Variants in PDS5B observed in about 807,000 individuals in gnomAD.
The protein encoded by PDS5B is sister chromatid cohesion protein PDS5 homolog B.
PDS5B carries 51 observed loss-of-function variants against 184.1 expected under a neutral mutation model. The ratio of observed to expected loss-of-function variants is 0.28; its 90% CI spans 0.22 to 0.35. PDS5B has a LOEUF of 0.35. Among genes scored for constraint, PDS5B ranks in the 10% least tolerant of loss-of-function variants. The probability of loss-of-function intolerance (pLI) is 1.00; values close to 1 mark genes in which losing one functional copy is unlikely to be tolerated. For missense variants in PDS5B, 1,180 were observed against 1,723.3 expected, an observed-to-expected ratio of 0.68 and a Z score of 5.58; for synonymous variants, 566 against 569.2, an observed-to-expected ratio of 0.99 and a Z score of 0.08.
chr13:32,771,088 ATT>A (rs71775605), intron 33 of PDS5B: 13 of 180,200 alleles, frequency 7.2e-5, no homozygotes, highest in Admixed American at 4.9e-4. Context: ...CCACACTACA[ATT>A]TTTTTTTTAA....
At position 32,773,101 on chromosome 13, in the gene PDS5B, C is replaced by T. The variant is rs776869022; in HGVS notation, c.4173-88C>T. The T allele has an allele frequency of 5.1e-5, 57 of 1,115,302 alleles. 1 individual carries two copies. The highest frequency in any genetic ancestry group is 3.0e-4 in the South Asian group (18 of 59,454). 69.1% of individuals were successfully genotyped at this position (1,115,302 alleles called of 1,614,324 possible). On this transcript the variant is annotated intron_variant, in intron 33 of 34. Transcript: ENST00000315596. ...GTAACTGAGGGTAAAGATGATATGACGATGAAATACGTGAAACATTTCTTC... is the reference window on the plus strand; with the variant it reads ...GTAACTGAGGGTAAAGATGATATGATGATGAAATACGTGAAACATTTCTTC...
intron 30 of PDS5B, 27 bp downstream of exon 30, chr13:32,760,747 T>A: frequency 6.2e-7 from 1 of 1,601,742 alleles, no homozygotes; most frequent in African/African-American, 1.3e-5. Context: ...TGCCACAATT[T>A]ACATTTAAGG....
intron 19 of PDS5B, among the ~76,000 whole-genome samples, chr13:32,729,840 G>A (rs1389080324): frequency 2.0e-5 from 3 of 149,814 alleles, no homozygotes; most frequent in African/African-American, 7.3e-5. Flanking sequence ...CTGGATATTA[G>A]CCCTTTGTCA....
At chr13:32,764,014 C>T (rs1198464353) in intron 30 of PDS5B, among the ~76,000 whole-genome samples, 1 of 152,008 alleles carries the variant, frequency 6.6e-6, no homozygotes, top group Non-Finnish European at 1.5e-5. Flanking sequence ...GCTTGGCATA[C>T]ATTGGTAAGT....
intron 1 of PDS5B, among the ~76,000 whole-genome samples, chr13:32,589,903 C>T (rs560750367): frequency 6.6e-6 from 1 of 152,066 alleles, no homozygotes; most frequent in African/African-American, 2.4e-5. Flanking sequence ...TAACCATTTC[C>T]CCCATTACTT....
chr13:32,669,665 A>G (rs1376278399), intron 7 of PDS5B, among the ~76,000 whole-genome samples: 2 of 152,156 alleles, frequency 1.3e-5, no homozygotes, highest in African/African-American at 2.4e-5. Flanking sequence ...TCCTTCCCCC[A>G]TGAACTCCCC....
intron 19 of PDS5B, among the ~76,000 whole-genome samples, chr13:32,730,211 C>G (rs1358431711): frequency 2.6e-5 from 4 of 152,100 alleles, no homozygotes; most frequent in Non-Finnish European, 2.9e-5. Flanking sequence ...GAATCCTTTC[C>G]CCATTGCTTG....
chr13:32,701,437 A>T lies in PDS5B; in HGVS notation c.1855A>T (p.Ser619Cys). ...APVHIDTESI[S>C]ALIKQVNKSI... ...TGTGCACATAGATACCGAATCTATC[A>T]GGTATTTGTATATAAAATACTAAGT... Residue 619 changes from serine (S) to cysteine (C), a missense_variant and splice_region_variant, in exon 17 of 35, where the codon AGT (serine) becomes TGT (cysteine). Coordinates refer to ENST00000315596, the MANE Select transcript of PDS5B (RefSeq NM_015032.4). The T allele has an allele frequency of 6.6e-7, 1 of 1,525,064 alleles. No individual in the cohort carries two copies. Among genetic ancestry groups the T allele is most frequent in the Non-Finnish European group, 9.0e-7 (1 of 1,105,078 alleles). 94.5% of individuals were successfully genotyped at this position (1,525,064 alleles called of 1,614,324 possible). A position where few individuals can be genotyped will look rare whatever the true frequency, so the allele number is the denominator to read the frequency against.
chr13:32,722,680 T>G (rs1008162394), intron 19 of PDS5B, among the ~76,000 whole-genome samples: 3 of 152,212 alleles, frequency 2.0e-5, no homozygotes, highest in African/African-American at 7.2e-5. Context: ...TACAGATGTT[T>G]AAAGGACAAA....
chr13:32,765,819 C>G (rs140145059), intron 31 of PDS5B, among the ~76,000 whole-genome samples: 1,545 of 152,308 alleles, frequency 0.01, 14 homozygotes, highest in Middle Eastern at 0.031. Flanking sequence ...CCAGGCTGGT[C>G]TCAAACGCCT....
At chr13:32,589,831 T>C (rs1396569200) in intron 1 of PDS5B, among the ~76,000 whole-genome samples, 1 of 152,230 alleles carries the variant, frequency 6.6e-6, no homozygotes, top group Non-Finnish European at 1.5e-5. Context: ...CAATTCTGAC[T>C]CCTTGGAGAG....
At chr13:32,674,181 A>G (rs17077729) in intron 8 of PDS5B, among the ~76,000 whole-genome samples, 1,576 of 152,278 alleles carry the variant, frequency 0.01, 38 homozygotes, top group African/African-American at 0.035. Context: ...ATTGAGCAGA[A>G]TTGGACAATA....
chr13:32,740,886 C>T (rs1953518055), intron 21 of PDS5B, among the ~76,000 whole-genome samples, 194 bp from the exon 22 acceptor site: 2 of 151,408 alleles, frequency 1.3e-5, no homozygotes, highest in Admixed American at 6.6e-5. Context: ...TGTACATAGG[C>T]GCTAGTGAAG....
intron 1 of PDS5B, among the ~76,000 whole-genome samples, chr13:32,639,682 A>T (rs1207398236): frequency 6.6e-6 from 1 of 152,216 alleles, no homozygotes; most frequent in Non-Finnish European, 1.5e-5. Context: ...TGTGTACTGA[A>T]GAGTTGTCTT....
At chr13:32,764,309 A>C (rs528805144) in intron 30 of PDS5B, among the ~76,000 whole-genome samples, 180 bp from the exon 31 acceptor site, 5 of 152,178 alleles carry the variant, frequency 3.3e-5, no homozygotes, top group Non-Finnish European at 5.9e-5. Flanking sequence ...TTTTCTCACT[A>C]TATTAAATTA....
intron 31 of PDS5B, among the ~76,000 whole-genome samples, chr13:32,766,527 C>T (rs1312718283): frequency 6.6e-6 from 1 of 151,932 alleles, no homozygotes; most frequent in Non-Finnish European, 1.5e-5. Context: ...ACTGAAGTGC[C>T]CTCAGAGAGA....
intron 15 of PDS5B, among the ~76,000 whole-genome samples, chr13:32,697,202 A>G (rs1274776107): frequency 6.6e-6 from 1 of 152,222 alleles, no homozygotes; most frequent in Non-Finnish European, 1.5e-5. Context: ...ATACCTAATA[A>G]CTACATACGT....
At position 32,659,028 on chromosome 13, in the gene PDS5B, A is replaced by G. The variant is rs1950581969; in HGVS notation, c.498-126A>G. 8.0e-6 allele frequency: 4 copies of G among 502,224 alleles called. No individual in the cohort carries two copies. The South Asian group carries it at 2.2e-4, about 27-fold the overall frequency. 31.1% of individuals were successfully genotyped at this position (502,224 alleles called of 1,614,324 possible). On this transcript the variant is annotated intron_variant, in intron 5 of 34. Coordinates refer to ENST00000315596, the MANE Select transcript of PDS5B (RefSeq NM_015032.4). The stretch of plus-strand genomic sequence containing the variant: ...GGAGAGAGGGAAGCTTTAAATGAAT[A>G]TACATAGAATTTTATTTAATATTTT...
intron 7 of PDS5B, among the ~76,000 whole-genome samples, chr13:32,672,432 A>G (rs1048309285): frequency 1.2e-4 from 19 of 152,290 alleles, no homozygotes; most frequent in African/African-American, 4.1e-4. Context: ...TAGTGTATGT[A>G]TACACACACA....
Sources: gnomAD v4.1 joint callset for allele counts (sites outside exome capture counted in the v4.1 genomes callset) on GRCh38, gnomAD v4.1.1 for gene constraint, MANE v1.5 for transcripts, NCBI Gene and HGNC (gene_info 2026-07-23, HGNC 2026-07-21) for gene names.